CYLD: variants seen among roughly 807,000 people sequenced by gnomAD.
CYLD encodes the protein CYLD lysine 63 deubiquitinase.
A neutral mutation model predicts 104.5 loss-of-function variants in CYLD; 26 were observed. The ratio of observed to expected loss-of-function variants is 0.25; its 90% confidence interval spans 0.18 to 0.35. The LOEUF (loss-of-function observed/expected upper bound fraction) is 0.35, where lower values mean the gene tolerates loss of function less well. Ranked by LOEUF, CYLD falls within the 10% of genes least tolerant of loss-of-function variation. CYLD has a pLI of 1.00. For missense variants in CYLD, 703 were observed against 1,136.1 expected (o/e 0.62, Z 5.48); for synonymous variants, 385 against 399.9 (o/e 0.96, Z 0.45).
At position 50,783,034 on chromosome 16, in the gene CYLD, C is replaced by G. The variant is rs937074798; in HGVS notation, c.1826+568C>G. On this transcript the variant is annotated intron_variant, in intron 11 of 18. Coordinates refer to ENST00000427738, the MANE Select transcript of CYLD (RefSeq NM_001378743.1). ...CTGCCTCCCAGGTTCAAGCGATTCT[C>G]TTGACTCAGCCTCCTGAGTAGCTGG... Among the ~76,000 whole-genome samples, 12 of 147,972 alleles carry G rather than the reference C, an allele frequency of 8.1e-5. No homozygotes were observed. The Admixed American group carries it at 8.3e-4, about 10-fold the overall frequency.
At position 50,796,517 on chromosome 16, in the gene CYLD, A is replaced by G. The variant is rs1405101347; in HGVS notation, c.*9A>G. On this transcript the variant is annotated 3_prime_UTR_variant, in exon 19 of 19. Transcript: ENST00000427738. ...TGAGTTTGTACAAATAACTGGGGTC[A>G]TCGGGAAAGGCAAAGAAACTGAAGG... 1.9e-6 allele frequency: 3 copies of G among 1,612,220 alleles called. No homozygotes were observed. The highest frequency in any genetic ancestry group is 1.7e-6 in the Non-Finnish European group (2 of 1,179,950).
intron 4 of CYLD, among the ~76,000 whole-genome samples, chr16:50,753,268 A>G (rs1410869081): frequency 6.6e-6 from 1 of 152,224 alleles, no homozygotes; most frequent in Non-Finnish European, 1.5e-5. Flanking sequence ...TATTCTTTAA[A>G]TAGTAATTCA....
At chr16:50,793,478 T>A in intron 16 of CYLD, 68 bp from the exon 17 acceptor site, 1 of 1,077,116 alleles carries the variant, frequency 9.3e-7, no homozygotes, top group Non-Finnish European at 1.4e-6. Context: ...TTTCTTTACA[T>A]CTTCTTCATG....
chr16:50,780,189 C>G, intron 9 of CYLD, 145 bp downstream of exon 9: 1 of 1,004,732 alleles, frequency 1.0e-6, no homozygotes, highest in Non-Finnish European at 1.5e-6. Flanking sequence ...TGTTTTCTGA[C>G]TTCCCTTTGC....
At chr16:50,744,552 C>G (rs898091714) in intron 2 of CYLD, among the ~76,000 whole-genome samples, 7 of 152,132 alleles carry the variant, frequency 4.6e-5, no homozygotes, top group Non-Finnish European at 7.4e-5. Context: ...TTAGAACAAG[C>G]AGGATATCTT....
rs367918259 is a variant in CYLD, at chr16:50,779,604, GA to G, written c.1139-58del. The stretch of plus-strand genomic sequence containing the variant: ...GACTAGATCTGTATATAAATTTTTA[GA>G]AATGTAAGACAGAGTCAATATCCTT... On this transcript the variant is annotated intron_variant, in intron 8 of 18. Transcript: ENST00000427738. The G allele has an allele frequency of 7.4e-5, 116 of 1,568,390 alleles. No homozygotes were observed. The African/African-American group carries it at 1.2e-3, about 16-fold the overall frequency.
chr16:50,772,541 A>G (rs1311684832), intron 5 of CYLD, among the ~76,000 whole-genome samples: 2 of 152,192 alleles, frequency 1.3e-5, no homozygotes, highest in East Asian at 3.8e-4. Context: ...TTTTGTTTAA[A>G]TCATTGAATT....
chr16:50,747,959 A>G (rs1036487832), intron 2 of CYLD, among the ~76,000 whole-genome samples: 4 of 152,230 alleles, frequency 2.6e-5, no homozygotes, highest in East Asian at 1.9e-4. Context: ...TAGGAACGTT[A>G]CCATTATGGA....
intron 12 of CYLD, chr16:50,785,054 T>C (rs990964399): frequency 2.6e-5 from 4 of 153,944 alleles, no homozygotes; most frequent in African/African-American, 7.2e-5. Flanking sequence ...GGAAGCAATT[T>C]GTAATGGTAC....
chr16:50,783,225 G>A (rs1238350235), intron 11 of CYLD, among the ~76,000 whole-genome samples: 5 of 151,972 alleles, frequency 3.3e-5, no homozygotes, highest in South Asian at 4.2e-4. Context: ...GAGCCACCAC[G>A]CCCAGCCTTA....
At chr16:50,771,765 T>A (rs75356810) in intron 5 of CYLD, among the ~76,000 whole-genome samples, 3,493 of 152,296 alleles carry the variant, frequency 0.023, 84 homozygotes, top group African/African-American at 0.055. Context: ...AATTTTTTTT[T>A]AAAAAATCTA....
intron 5 of CYLD, among the ~76,000 whole-genome samples, chr16:50,759,469 A>T (rs1967662285): frequency 6.6e-6 from 1 of 152,130 alleles, no homozygotes; most frequent in African/African-American, 2.4e-5. Flanking sequence ...GCTTTTTATA[A>T]TTTAATTATA....
chr16:50,780,451 GT>G lies in CYLD; in HGVS notation c.1518+411del, dbSNP rs564573602. ...TTTGAGACCTTTGCTAGAGGGAAAG[GT>G]TTTCCCTTTAGAGATCAGGAGAACA... is the stretch of plus-strand genomic sequence containing the variant. On this transcript the variant is annotated intron_variant, in intron 9 of 18. Coordinates refer to ENST00000427738, the MANE Select transcript of CYLD (RefSeq NM_001378743.1). Among the ~76,000 whole-genome samples, 4 of 152,228 alleles carry G rather than the reference GT, an allele frequency of 2.6e-5. No homozygotes were observed. The South Asian group carries it at 8.3e-4, about 32-fold the overall frequency.
chr16:50,779,411 A>G (rs1415711202), intron 8 of CYLD, among the ~76,000 whole-genome samples: 2 of 152,182 alleles, frequency 1.3e-5, no homozygotes, highest in South Asian at 2.1e-4. Flanking sequence ...ACTATCACGT[A>G]TACGATACCC....
At chr16:50,746,048 G>C (rs534502777) in intron 2 of CYLD, among the ~76,000 whole-genome samples, 5 of 152,202 alleles carry the variant, frequency 3.3e-5, no homozygotes, top group African/African-American at 1.2e-4. Context: ...ATATATGTGA[G>C]AGAGTGTGTG....
intron 7 of CYLD, among the ~76,000 whole-genome samples, chr16:50,777,466 A>G (rs990585728): frequency 1.3e-5 from 2 of 152,154 alleles, no homozygotes; most frequent in African/African-American, 2.4e-5. Context: ...TTGTGAACCA[A>G]TGGGTCTATG....
chr16:50,769,421 C>T (rs1279779223), intron 5 of CYLD, among the ~76,000 whole-genome samples: 1 of 152,150 alleles, frequency 6.6e-6, no homozygotes, highest in East Asian at 1.9e-4. Flanking sequence ...TCATTGGTGA[C>T]CAGTGATATC....
chr16:50,779,591 A>G (rs1970011821), intron 8 of CYLD, 74 bp from the exon 9 acceptor site: 5 of 1,481,630 alleles, frequency 3.4e-6, no homozygotes, highest in East Asian at 4.5e-5. Context: ...CTAGATCTGT[A>G]TATAAATTTT....
intron 9 of CYLD, 109 bp downstream of exon 9, chr16:50,780,153 A>G (rs934092200): frequency 1.2e-5 from 16 of 1,316,218 alleles, no homozygotes; most frequent in Non-Finnish European, 1.5e-5. Flanking sequence ...CAGAAAAGCT[A>G]TCACTGCAGA....
Sources: gnomAD v4.1 joint callset for allele counts (sites outside exome capture counted in the v4.1 genomes callset) on GRCh38, gnomAD v4.1.1 for gene constraint, MANE v1.5 for transcripts, NCBI Gene and HGNC (gene_info 2026-07-23, HGNC 2026-07-21) for gene names.